XKR9: variants seen among roughly 807,000 people sequenced by gnomAD.
XKR9 encodes XK related 9, also known as XK-related protein 9.
Under a neutral mutation model 32.0 loss-of-function variants are expected in XKR9, and 32 were observed. The ratio of observed to expected loss-of-function variants is 1.00; its 90% CI spans 0.76 to 1.34. The LOEUF is 1.34. XKR9 is among the 40% of genes most tolerant of loss of function. The probability of loss-of-function intolerance (pLI) is 0.00; values close to 1 mark genes in which losing one functional copy is unlikely to be tolerated. For missense variants in XKR9, 546 were observed against 429.7 expected (o/e 1.27, Z -2.39); for synonymous variants, 168 against 143.4 (o/e 1.17, Z -1.22).
the XKR9 span, among the ~76,000 whole-genome samples, chr8:70,993,400 A>G: frequency 2.6e-4 from 39 of 152,262 alleles, no homozygotes; most frequent in South Asian, 1.7e-3. Flanking sequence ...AGCTCCCTTA[A>G]TGGCTCTTGT....
chr8:70,854,608 C>T, the XKR9 span, among the ~76,000 whole-genome samples: 1 of 152,028 alleles, frequency 6.6e-6, no homozygotes, highest in Non-Finnish European at 1.5e-5. Flanking sequence ...ATGCCTATGT[C>T]CTGAATGGTA....
In XKR9 at chr8:70,707,014, T is replaced by G. The variant is rs762959831; in HGVS notation, c.354T>G (p.Ile118Met). 7.4e-6 allele frequency: 12 copies of G among 1,613,414 alleles called. No homozygotes were observed. The highest frequency in any genetic ancestry group is 1.7e-4 in the Middle Eastern group (1 of 6,058). Reference protein sequence around the residue: ...SNTSNFVEEQIDLHKEVIDRV... With the variant: ...SNTSNFVEEQMDLHKEVIDRV... ...CTAGTAACTTCGTGGAAGAACAAAT[T>G]GATCTACATAAAGAAGTTATAGATA... The change falls in exon 4 of 5, where the codon ATT becomes ATG. Residue 118 changes from isoleucine (I) to methionine (M), a missense_variant. Transcript: ENST00000408926.
At chr8:70,929,458 A>C in the XKR9 span, among the ~76,000 whole-genome samples, 4 of 152,204 alleles carry the variant, frequency 2.6e-5, no homozygotes, top group African/African-American at 9.7e-5. Context: ...TTAAGCCAGA[A>C]GTTTGAACTG....
downstream of XKR9, among the ~76,000 whole-genome samples, chr8:70,794,415 T>G (rs939517699): frequency 1.3e-5 from 2 of 152,114 alleles, no homozygotes; most frequent in African/African-American, 4.8e-5. Context: ...AGAATTAGCA[T>G]CCTTCTCTTA....
chr8:70,738,446 G>T (rs907888017), downstream of XKR9, among the ~76,000 whole-genome samples: 184 of 148,966 alleles, frequency 1.2e-3, 1 homozygote, highest in African/African-American at 4.2e-3. Flanking sequence ...ATTTTTTGAA[G>T]GGTTTTTTGT....
At chr8:71,047,644 A>G in the XKR9 span, among the ~76,000 whole-genome samples, 2 of 152,154 alleles carry the variant, frequency 1.3e-5, no homozygotes, top group African/African-American at 4.8e-5. Context: ...TGAGGCACTT[A>G]TCTTTATTTT....
chr8:70,695,163 A>T (rs77985927), intron 3 of XKR9, among the ~76,000 whole-genome samples: 11,482 of 142,556 alleles, frequency 0.081, 532 homozygotes, highest in Non-Finnish European at 0.092. Flanking sequence ...ATTTGTTTTT[A>T]AAAAAATTTT....
intron 2 of XKR9, among the ~76,000 whole-genome samples, chr8:70,742,201 A>T (rs1806997043): frequency 6.6e-6 from 1 of 152,354 alleles, no homozygotes; most frequent in South Asian, 2.1e-4. Flanking sequence ...TAACCAGATT[A>T]AAACTGGGCA....
the XKR9 span, among the ~76,000 whole-genome samples, chr8:70,909,656 C>A: frequency 1.5e-5 from 2 of 131,576 alleles, no homozygotes; most frequent in Admixed American, 7.7e-5. Context: ...AGAAAAAAAA[C>A]AAAAACAACA....
the XKR9 span, among the ~76,000 whole-genome samples, chr8:70,859,394 C>T: frequency 9.9e-5 from 15 of 151,990 alleles, no homozygotes; most frequent in South Asian, 2.1e-4. Flanking sequence ...AGAGGGGAAC[C>T]CTTATACACT....
intron 2 of XKR9, among the ~76,000 whole-genome samples, chr8:70,751,413 G>A (rs778197011): frequency 1.3e-4 from 20 of 152,150 alleles, no homozygotes; most frequent in Non-Finnish European, 2.6e-4. Context: ...ACAGGTGTGA[G>A]CCACCGTGCC....
At chr8:70,975,148 G>C in the XKR9 span, among the ~76,000 whole-genome samples, 1 of 152,142 alleles carries the variant, frequency 6.6e-6, no homozygotes, top group Non-Finnish European at 1.5e-5. Flanking sequence ...TTAGCCCTCT[G>C]TCAGATGAGT....
At chr8:70,857,363 A>G in the XKR9 span, among the ~76,000 whole-genome samples, 2 of 152,236 alleles carry the variant, frequency 1.3e-5, no homozygotes, top group Non-Finnish European at 2.9e-5. Context: ...CAAATAAACT[A>G]GAAAATCTAG....
At chr8:70,745,439 T>C (rs573185728) in intron 2 of XKR9, among the ~76,000 whole-genome samples, 2 of 152,308 alleles carry the variant, frequency 1.3e-5, no homozygotes, top group African/African-American at 4.8e-5. Flanking sequence ...ATTCACATCT[T>C]CAAATATGAA....
chr8:70,823,716 A>C, the XKR9 span, among the ~76,000 whole-genome samples: 1 of 152,174 alleles, frequency 6.6e-6, no homozygotes, highest in Non-Finnish European at 1.5e-5. Context: ...GAATGTTTTC[A>C]TATCTCAACG....
chr8:70,736,533 T>G (rs924430459), downstream of XKR9, among the ~76,000 whole-genome samples: 9 of 152,168 alleles, frequency 5.9e-5, no homozygotes, highest in African/African-American at 1.9e-4. Flanking sequence ...TAGACATGAA[T>G]TCTGTGCCCA....
chr8:70,971,724 TCTTTA>T, the XKR9 span, among the ~76,000 whole-genome samples: 27 of 152,184 alleles, frequency 1.8e-4, no homozygotes, highest in African/African-American at 6.3e-4. Context: ...GGGTGTCCTT[TCTTTA>T]CTTTATGTTT....
chr8:71,015,577 A>G, the XKR9 span, among the ~76,000 whole-genome samples: 47 of 152,170 alleles, frequency 3.1e-4, no homozygotes, highest in South Asian at 8.3e-4. Context: ...TATAGTAACA[A>G]AAGCAGAATC....
At chr8:70,813,693 T>G in the XKR9 span, among the ~76,000 whole-genome samples, 233 of 152,210 alleles carry the variant, frequency 1.5e-3, no homozygotes, top group Non-Finnish European at 2.4e-3. Context: ...CATGAAAAAA[T>G]TCTCTTCATC....
Sources: gnomAD v4.1 joint callset for allele counts (sites outside exome capture counted in the v4.1 genomes callset) on GRCh38, gnomAD v4.1.1 for gene constraint, MANE v1.5 for transcripts, NCBI Gene and HGNC (gene_info 2026-07-23, HGNC 2026-07-21) for gene names.